The following KAZN variants were observed in gnomAD, a reference collection of about 807,000 sequenced individuals.
KAZN encodes the protein kazrin, periplakin interacting protein.
In KAZN, 40 loss-of-function variants were observed where a neutral mutation model predicts 87.4. The ratio of observed to expected loss-of-function variants is 0.46; its 90% CI spans 0.36 to 0.60. KAZN has a LOEUF of 0.60. KAZN is among the 20% of genes least tolerant of loss of function. KAZN has a pLI of 0.00. For synonymous variants in KAZN, 466 were observed against 458.3 expected, an observed-to-expected ratio of 1.02 and a Z score of -0.22; for missense variants, 898 against 1,073.9, an observed-to-expected ratio of 0.84 and a Z score of 2.29.
intron 2 of KAZN, among the ~76,000 whole-genome samples, chr1:14,228,804 A>G (rs1024188893): frequency 2.6e-5 from 4 of 152,224 alleles, no homozygotes; most frequent in African/African-American, 9.6e-5. Flanking sequence ...AAAGGACATC[A>G]GTCCGGGCCT....
At chr1:14,986,812 T>C (rs537117580) in intron 2 of KAZN, among the ~76,000 whole-genome samples, 93 of 152,292 alleles carry the variant, frequency 6.1e-4, no homozygotes, top group African/African-American at 2.1e-3. Context: ...ATGGGGGCCA[T>C]TGGACACCAA....
At chr1:15,106,153 C>T (rs1641288378) in intron 13 of KAZN, among the ~76,000 whole-genome samples, 1 of 152,026 alleles carries the variant, frequency 6.6e-6, no homozygotes, top group Admixed American at 6.6e-5. Flanking sequence ...TGGTGGAGTG[C>T]ACCATATAAT....
chr1:14,533,430 A>T (rs74057812), intron 2 of KAZN, among the ~76,000 whole-genome samples: 1 of 152,308 alleles, frequency 6.6e-6, no homozygotes, highest in Admixed American at 6.5e-5. Context: ...CCAACTTGGC[A>T]TATTGGATAT....
intron 2 of KAZN, among the ~76,000 whole-genome samples, chr1:14,428,859 ACAATT>A (rs1305272595): frequency 1.3e-5 from 2 of 152,120 alleles, no homozygotes; most frequent in African/African-American, 4.8e-5. Context: ...TATGGGAACT[ACAATT>A]CAAGATGAGA....
rs149027403 is a variant in KAZN, at chr1:14,803,590, T to C, written c.227-157094T>C. ...TGCCCGTGGCTCTGGCTGTCCTCCA[T>C]GAATGATGCCCCAGCTCCGTCTCTC... On this transcript the variant is annotated intron_variant, in intron 1 of 14. Coordinates refer to ENST00000376030, the MANE Select transcript of KAZN (RefSeq NM_201628.3). Among the ~76,000 whole-genome samples the C allele has an allele frequency of 2.7e-3, 413 of 152,334 alleles. 2 individuals are homozygous for C. Among genetic ancestry groups the C allele is most frequent in the African/African-American group, 9.5e-3 (394 of 41,576 alleles).
chr1:15,080,876 C>T (rs560530238), intron 8 of KAZN, among the ~76,000 whole-genome samples: 4 of 152,250 alleles, frequency 2.6e-5, no homozygotes, highest in South Asian at 2.1e-4. Flanking sequence ...CAGCTACACT[C>T]GGTGCTCCCC....
At chr1:14,877,025 G>C (rs1652841655) in intron 1 of KAZN, among the ~76,000 whole-genome samples, 2 of 152,220 alleles carry the variant, frequency 1.3e-5, no homozygotes, top group African/African-American at 4.8e-5. Context: ...AAAAGCTACT[G>C]GTTCTGGTGA....
intron 1 of KAZN, among the ~76,000 whole-genome samples, chr1:14,080,769 T>C (rs1295284507): frequency 6.6e-6 from 1 of 152,226 alleles, no homozygotes; most frequent in African/African-American, 2.4e-5. Context: ...GCCCAGCACA[T>C]AGCCAGCTTG....
At chr1:14,806,465 C>G (rs1646226494) in intron 1 of KAZN, among the ~76,000 whole-genome samples, 1 of 152,208 alleles carries the variant, frequency 6.6e-6, no homozygotes, top group African/African-American at 2.4e-5. Flanking sequence ...CAGACACCTT[C>G]TCATTTGGGC....
At chr1:14,663,351 T>G (rs1479949122) in intron 1 of KAZN, among the ~76,000 whole-genome samples, 1 of 152,124 alleles carries the variant, frequency 6.6e-6, no homozygotes, top group African/African-American at 2.4e-5. Flanking sequence ...GAAGGGAACT[T>G]GGTTCGCCGG....
intron 1 of KAZN, among the ~76,000 whole-genome samples, chr1:14,895,616 T>C (rs1487058093): frequency 6.6e-6 from 1 of 151,890 alleles, no homozygotes; most frequent in African/African-American, 2.4e-5. Flanking sequence ...TCCGGGAGGG[T>C]GGAATTTGGG....
At chr1:14,444,965 A>T (rs930503309) in intron 2 of KAZN, among the ~76,000 whole-genome samples, 1 of 152,056 alleles carries the variant, frequency 6.6e-6, no homozygotes, top group Non-Finnish European at 1.5e-5. Context: ...TTGAAGAGAA[A>T]GAGGTCTTTA....
intron 8 of KAZN, among the ~76,000 whole-genome samples, chr1:15,084,666 CAG>C: frequency 6.6e-6 from 1 of 152,208 alleles, no homozygotes; most frequent in South Asian, 2.1e-4. Context: ...GTCATTCAAC[CAG>C]AGTCTCTCAA....
chr1:13,966,714 G>A (rs1641959140), intron 1 of KAZN, among the ~76,000 whole-genome samples: 1 of 152,190 alleles, frequency 6.6e-6, no homozygotes, highest in Non-Finnish European at 1.5e-5. Flanking sequence ...GTGTAAAATA[G>A]ACACAGGATT....
At position 14,409,846 on chromosome 1, in the gene KAZN, G is replaced by A. The variant is rs1664160786; in HGVS notation, c.250-189137G>A. ...ATTTTCAGAATAATCATAATCATAA[G>A]CTAGACCATCAAAAAACAGAATATA... is the stretch of plus-strand genomic sequence containing the variant. On this transcript the variant is annotated intron_variant, in intron 2 of 16. Transcript: ENST00000636203. Among the ~76,000 whole-genome samples, 3 of 152,074 alleles carry A rather than the reference G, an allele frequency of 2.0e-5. No homozygotes were observed. The South Asian group carries it at 6.2e-4, about 32-fold the overall frequency.
intron 1 of KAZN, among the ~76,000 whole-genome samples, chr1:14,848,867 T>C (rs969228137): frequency 6.6e-6 from 1 of 152,178 alleles, no homozygotes; most frequent in African/African-American, 2.4e-5. Context: ...TAGCGTGTCC[T>C]GGGAGCGCCT....
chr1:14,212,729 C>G (rs1435119229), intron 2 of KAZN, among the ~76,000 whole-genome samples: 1 of 152,154 alleles, frequency 6.6e-6, no homozygotes, highest in Non-Finnish European at 1.5e-5. Context: ...TTTCTAACCT[C>G]CCACCTCCAG....
intron 2 of KAZN, among the ~76,000 whole-genome samples, chr1:14,497,952 A>G (rs1670038000): frequency 6.6e-6 from 1 of 152,232 alleles, no homozygotes; most frequent in South Asian, 2.1e-4. Context: ...ATGACTTCCT[A>G]TGCCTTCTGG....
At chr1:14,088,761 A>T (rs1643907805) in intron 1 of KAZN, among the ~76,000 whole-genome samples, 1 of 151,850 alleles carries the variant, frequency 6.6e-6, no homozygotes, top group Non-Finnish European at 1.5e-5. Flanking sequence ...AGATATGTCT[A>T]GTTCTTCTTT....
Sources: allele counts gnomAD v4.1 joint callset (sites outside exome capture counted in the v4.1 genomes callset), GRCh38; gene constraint gnomAD v4.1.1; transcripts MANE v1.5; gene names NCBI Gene and HGNC (gene_info 2026-07-23, HGNC 2026-07-21).